Variants in SMTN observed in about 807,000 individuals in gnomAD.
The protein encoded by SMTN is smoothelin.
In SMTN, 58 loss-of-function variants were observed where a neutral mutation model predicts 102.0. That is an observed-to-expected ratio of 0.57 (90% CI 0.46 to 0.71). SMTN has a LOEUF of 0.71. Ranked by LOEUF, SMTN falls within the 30% of genes least tolerant of loss-of-function variation. SMTN has a pLI of 0.00. For synonymous variants in SMTN, 478 were observed against 497.9 expected (o/e 0.96, Z 0.53); for missense variants, 1,185 against 1,241.7 (o/e 0.95, Z 0.69).
At chr22:31,086,582 G>A (rs12330010) in intron 2 of SMTN, among the ~76,000 whole-genome samples, 48,713 of 152,036 alleles carry the variant, frequency 0.32, 8,475 homozygotes, top group South Asian at 0.44. Flanking sequence ...TGCAACTGCA[G>A]CTATGTACAG....
rs1386750509 is a variant in SMTN, at chr22:31,083,318, C to T, written c.51+9C>T. 4 of 1,553,214 alleles carry T rather than the reference C, an allele frequency of 2.6e-6. No individual in the cohort carries two copies. In the Admixed American group the frequency reaches 8.0e-5, roughly 31 times the overall value. On this transcript the variant is annotated intron_variant, in intron 2 of 20. Coordinates refer to ENST00000333137, the MANE Select transcript of SMTN (RefSeq NM_134269.3). The stretch of plus-strand genomic sequence containing the variant: ...GAGCCCTTCGGAAGCTGGTAAGTGG[C>T]CCCATCACCCACTGTGGGGACAGGA...
upstream of SMTN, among the ~76,000 whole-genome samples, chr22:31,078,358 T>C (rs760912957): frequency 6.6e-6 from 1 of 152,202 alleles, no homozygotes; most frequent in Non-Finnish European, 1.5e-5. Context: ...GAGCAAAATA[T>C]TACCCCTAGC....
intron 1 of SMTN, among the ~76,000 whole-genome samples, chr22:31,070,173 C>G (rs1602571805): frequency 6.6e-6 from 1 of 152,212 alleles, no homozygotes; most frequent in East Asian, 1.9e-4. Context: ...GCAGCCCTCA[C>G]ATGAAAGTCC....
chr22:31,092,850 G>A (rs148077482), intron 11 of SMTN, among the ~76,000 whole-genome samples: 1 of 152,380 alleles, frequency 6.6e-6, no homozygotes, highest in East Asian at 1.9e-4. Flanking sequence ...CTCAAAGTCT[G>A]TGGTTGGACG....
Position 31,099,843 on chromosome 22 carries a change from G to A in SMTN, c.2550G>A (p.Gln850=), listed in dbSNP as rs1228497602. 1 of 1,613,970 alleles carries A rather than the reference G, an allele frequency of 6.2e-7. No individual in the cohort carries two copies. Among genetic ancestry groups the A allele is most frequent in the Non-Finnish European group, 8.5e-7 (1 of 1,179,966 alleles). ...TCCCTGAGGCCTTCGACTATGGGCA[G>A]CTTAGCCCTCAGAACCGACGCCAGA... ...NFFPEAFDYG[Q]LSPQNRRQNF... is the part of the protein sequence containing the mutation. The change falls in exon 19 of 21, where the codon CAG becomes CAA. Residue 850 remains glutamine (Q), a synonymous_variant. Transcript: ENST00000333137.
At chr22:31,098,098 A>G (rs1602667616) in intron 16 of SMTN, among the ~76,000 whole-genome samples, 2 of 152,228 alleles carry the variant, frequency 1.3e-5, no homozygotes, top group South Asian at 2.1e-4. Context: ...TGGGGCTGGC[A>G]GAAAGCAGGA....
At chr22:31,089,068 G>A (rs1169344312) in intron 6 of SMTN, 99 bp downstream of exon 6, 2 of 981,910 alleles carry the variant, frequency 2.0e-6, no homozygotes, top group African/African-American at 1.6e-5. Flanking sequence ...TCACTGTAAG[G>A]GGCCCACCCC....
chr22:31,065,950 C>G (rs979101798), intron 1 of SMTN: 13 of 152,346 alleles, frequency 8.5e-5, no homozygotes, highest in East Asian at 7.7e-4. Context: ...CTGCAGTGCT[C>G]AGCTCTGGCC....
chr22:31,092,951 A>C (rs1320585848), intron 11 of SMTN, among the ~76,000 whole-genome samples: 1 of 152,186 alleles, frequency 6.6e-6, no homozygotes, highest in African/African-American at 2.4e-5. Context: ...CTGTGCCTCC[A>C]TTTCCCCCAT....
chr22:31,070,645 C>T (rs1047534953), intron 1 of SMTN, among the ~76,000 whole-genome samples: 6 of 152,056 alleles, frequency 3.9e-5, no homozygotes, highest in African/African-American at 1.2e-4. Flanking sequence ...TTAAGCCAGC[C>T]GGGCACGATG....
chr22:31,093,653 T>G, intron 11 of SMTN: 1 of 788,410 alleles, frequency 1.3e-6, no homozygotes, highest in Non-Finnish European at 2.3e-6. Context: ...AGCCGGCGGC[T>G]GGATGCACTG....
At chr22:31,089,075 C>A in intron 6 of SMTN, 106 bp downstream of exon 6, 1 of 867,512 alleles carries the variant, frequency 1.2e-6, no homozygotes, top group Non-Finnish European at 1.8e-6. Context: ...AAGGGGCCCA[C>A]CCCTGCCATC....
Position 31,096,768 on chromosome 22 carries a change from G to T in SMTN, c.1897G>T (p.Glu633Ter). The T allele has an allele frequency of 6.4e-7, 1 of 1,557,994 alleles. No homozygotes were observed. Reference sequence around the variant, plus strand: ...CAAGGAGCGGGAACGGCGGCTGCAGGAGGCACGGGGCCGGCCAGGGGAGGG... The same window carrying T: ...CAAGGAGCGGGAACGGCGGCTGCAGTAGGCACGGGGCCGGCCAGGGGAGGG... ...RDKERERRLQ[E>*]ARGRPGEGRG... The change falls in exon 14 of 21, where the codon GAG (glutamate) becomes TAG (stop). Residue 633 changes from glutamate (E) to a stop codon, truncating the protein, a stop_gained. Coordinates refer to ENST00000333137, the MANE Select transcript of SMTN (RefSeq NM_134269.3). LOFTEE classifies it high-confidence loss of function.
intron 2 of SMTN, chr22:31,085,042 C>G: frequency 6.6e-7 from 1 of 1,515,570 alleles, no homozygotes; most frequent in Non-Finnish European, 8.8e-7. Context: ...CCGGCCCCGG[C>G]TCCCGCACAT....
rs764327024 is a variant in SMTN at position 31,095,419 on chromosome 22, G to T, written c.1749G>T (p.Leu583=). 3 of 1,614,264 alleles carry T rather than the reference G, an allele frequency of 1.9e-6. No homozygotes were observed. The Admixed American group carries it at 5.0e-5, about 27-fold the overall frequency. The change falls in exon 12 of 21, where the codon CTG becomes CTT. Residue 583 remains leucine, a synonymous_variant. Coordinates refer to ENST00000333137, the MANE Select transcript of SMTN (RefSeq NM_134269.3). This position sits in a 1 kb window ranked among gnomAD's most constrained non-coding sequence, Gnocchi z 4.1. ...EGRSPLSAEE[L]MTIEDEGVLD... is the part of the protein sequence containing the mutation. ...GGAGCCCTCTGAGCGCTGAGGAGCT[G>T]ATGACTATTGAGGATGAAGGAGTCT...
At chr22:31,080,122 T>C (rs1406680851), upstream of SMTN, among the ~76,000 whole-genome samples, 1 of 152,024 alleles carries the variant, frequency 6.6e-6, no homozygotes, top group Non-Finnish European at 1.5e-5. Flanking sequence ...GGGGATGAAA[T>C]GAAATGACAC....
At chr22:31,070,233 G>C (rs1489594813) in intron 1 of SMTN, among the ~76,000 whole-genome samples, 2 of 152,156 alleles carry the variant, frequency 1.3e-5, no homozygotes, top group South Asian at 4.1e-4. Flanking sequence ...GTAATGAAGG[G>C]TCGGTGTAAT....
Position 31,098,710 on chromosome 22 carries a change from C to G in SMTN, c.2203C>G (p.Leu735Val), listed in dbSNP as rs1368683683. The G allele has an allele frequency of 6.2e-7, 1 of 1,613,598 alleles. No homozygotes were observed. The highest frequency in any genetic ancestry group is 8.5e-7 in the Non-Finnish European group (1 of 1,179,942). ...CCAGGCCAGCCCACGGGCCGGCAGC[C>G]TGGCGGCGCTCGAGAAACGGCAGGC... ...EDQASPRAGS[L>V]AALEKRQAEK... The change falls in exon 17 of 21, where the codon CTG becomes GTG. Residue 735 changes from leucine to valine, a missense_variant. Leu to Val is a conservative substitution (Grantham distance 32). This residue lies in a region of SMTN where 1,096 missense variants were observed against 1,112.7 expected (regional missense o/e 0.98). Transcript: ENST00000333137.
chr22:31,094,591 C>G (rs2043417020), intron 11 of SMTN, among the ~76,000 whole-genome samples: 1 of 151,782 alleles, frequency 6.6e-6, no homozygotes, highest in African/African-American at 2.4e-5. Context: ...AGCTCAGATC[C>G]CAGGCTGCAT....
Sources: allele counts gnomAD v4.1 joint callset (sites outside exome capture counted in the v4.1 genomes callset), GRCh38; gene constraint gnomAD v4.1.1; regional missense constraint gnomAD v4.1.1; non-coding constraint Gnocchi (gnomAD v3.1); transcripts MANE v1.5; gene names NCBI Gene and HGNC (gene_info 2026-07-23, HGNC 2026-07-21).